The following KCNQ1 variants were observed in gnomAD, a reference collection of about 807,000 sequenced individuals.
KCNQ1 encodes the protein potassium voltage-gated channel subfamily Q member 1.
In KCNQ1, 49 loss-of-function variants were observed where a neutral mutation model predicts 72.4. The ratio of observed to expected loss-of-function variants is 0.68; its 90% confidence interval spans 0.54 to 0.86. The LOEUF is 0.86. Among genes scored for constraint, KCNQ1 ranks in the 40% least tolerant of loss-of-function variants. The pLI, the probability that KCNQ1 is intolerant of heterozygous loss-of-function variation, is 0.00. For missense variants in KCNQ1, 790 were observed against 945.1 expected, an observed-to-expected ratio of 0.84 and a Z score of 2.15; for synonymous variants, 450 against 412.6, an observed-to-expected ratio of 1.09 and a Z score of -1.10.
At position 2,537,157 on chromosome 11, in the gene KCNQ1, T is replaced by G. The variant is rs1174293147; in HGVS notation, c.477+9139T>G. On this transcript the variant is annotated intron_variant, in intron 2 of 15. Transcript: ENST00000155840. This position sits in a 1 kb window ranked among gnomAD's most constrained non-coding sequence, Gnocchi z 5.2. The stretch of plus-strand genomic sequence containing the variant: ...TGAATTTGAGGGCAACCCAGGGGTC[T>G]CCAAACCATGGCCCACAGGGTGGCT... 6.6e-6 allele frequency among the ~76,000 whole-genome samples: 1 copy of G among 151,892 alleles called. No homozygotes were observed. Among genetic ancestry groups the G allele is most frequent in the Non-Finnish European group, 1.5e-5 (1 of 68,026 alleles).
rs936004232 is a variant in KCNQ1 at position 2,704,609 on chromosome 11, A to C, written c.1514+42528A>C. On this transcript the variant is annotated intron_variant, in intron 11 of 15. Coordinates refer to ENST00000155840, the MANE Select transcript of KCNQ1 (RefSeq NM_000218.3). This position sits in a 1 kb window ranked among gnomAD's most constrained non-coding sequence, Gnocchi z 4.3. The stretch of plus-strand genomic sequence containing the variant: ...AGAAAGGTCACTCTGGCTGCTGAAC[A>C]GAGAGAGAACTGAAGAGAGGCAGCA... Among the ~76,000 whole-genome samples the C allele has an allele frequency of 2.0e-5, 3 of 152,200 alleles. No individual in the cohort carries two copies. Among genetic ancestry groups the C allele is most frequent in the Admixed American group, 2.0e-4 (3 of 15,284 alleles).
intron 15 of KCNQ1, among the ~76,000 whole-genome samples, chr11:2,821,110 A>G (rs1314449091): frequency 2.0e-5 from 3 of 152,190 alleles, no homozygotes; most frequent in Admixed American, 1.3e-4. Flanking sequence ...CTTGGTGGGA[A>G]GCTTTCGTCC....
chr11:2,815,350 G>T lies in KCNQ1; in HGVS notation c.1795-32417G>T, dbSNP rs1347561620. Among the ~76,000 whole-genome samples the T allele has an allele frequency of 2.0e-5, 3 of 152,144 alleles. No individual in the cohort carries two copies. The highest frequency in any genetic ancestry group is 4.1e-4 in the South Asian group (2 of 4,832). On this transcript the variant is annotated intron_variant, in intron 15 of 15. Transcript: ENST00000155840. This position sits in a 1 kb window ranked among gnomAD's most constrained non-coding sequence, Gnocchi z 5.4. The stretch of plus-strand genomic sequence containing the variant: ...CACTGGACCTCTGTGCTTTCTGGTG[G>T]GGGGCTTGTCAGGGAGCTCATGGGC...
intron 15 of KCNQ1, among the ~76,000 whole-genome samples, chr11:2,825,420 G>A (rs949773343): frequency 1.3e-5 from 2 of 152,232 alleles, no homozygotes; most frequent in African/African-American, 4.8e-5. Flanking sequence ...CCGGGTGCTG[G>A]AAGAGCAAGC....
intron 10 of KCNQ1, chr11:2,646,155 C>T: frequency 2.5e-6 from 1 of 398,632 alleles, no homozygotes; most frequent in Non-Finnish European, 4.4e-6. Context: ...AGCATTCTCT[C>T]AGAGGCGATC....
intron 10 of KCNQ1, chr11:2,632,868 T>C: frequency 2.5e-6 from 1 of 398,490 alleles, no homozygotes; most frequent in Non-Finnish European, 4.4e-6. Flanking sequence ...TGAACAGTAC[T>C]GCAATAAACA....
In KCNQ1 at chr11:2,710,123, T is replaced by C. The variant is rs1363894739; in HGVS notation, c.1514+48042T>C. ...CCCACCAGTAGTGTATGTGAGTTCC[T>C]ATCTCTCCACATTCTCACCAACACT... On this transcript the variant is annotated intron_variant, in intron 11 of 15. Transcript: ENST00000155840. The surrounding 1 kb of genome is among the most constrained non-coding windows in gnomAD (Gnocchi z 4.1). 6.6e-6 allele frequency among the ~76,000 whole-genome samples: 1 copy of C among 152,234 alleles called. No homozygotes were observed. The highest frequency in any genetic ancestry group is 1.5e-5 in the Non-Finnish European group (1 of 68,038).
At chr11:2,568,614 C>T (rs148420427) in intron 2 of KCNQ1, among the ~76,000 whole-genome samples, 8 of 152,342 alleles carry the variant, frequency 5.3e-5, no homozygotes, top group East Asian at 1.9e-4. Flanking sequence ...AGCCCTAGGC[C>T]GGCTCATTGG....
At chr11:2,504,805 G>T (rs1847076643) in intron 1 of KCNQ1, among the ~76,000 whole-genome samples, 1 of 152,104 alleles carries the variant, frequency 6.6e-6, no homozygotes, top group Non-Finnish European at 1.5e-5. Context: ...AAGACAAGGG[G>T]TAAATGTTTG....
rs778549782 is a variant in KCNQ1, at chr11:2,772,647, G to C, written c.1591-3313G>C. Among the ~76,000 whole-genome samples, 34 of 152,214 alleles carry C rather than the reference G, an allele frequency of 2.2e-4. No homozygotes were observed. Among genetic ancestry groups the C allele is most frequent in the Non-Finnish European group, 3.7e-4 (25 of 68,034 alleles). ...CCCTACACCAGGTAAGGCTGTGGCT[G>C]AAGGTGCAGGGAGCTCTCTGCTGAT... On this transcript the variant is annotated intron_variant, in intron 12 of 15. Transcript: ENST00000155840. The surrounding 1 kb of genome is among the most constrained non-coding windows in gnomAD (Gnocchi z 6.6).
intron 15 of KCNQ1, among the ~76,000 whole-genome samples, chr11:2,837,523 G>A (rs557393313): frequency 2.0e-4 from 31 of 152,376 alleles, no homozygotes; most frequent in Non-Finnish European, 3.2e-4. Context: ...CGAGCAAGAG[G>A]CCATTGAACT....
At chr11:2,693,613 G>A (rs1850624935) in intron 11 of KCNQ1, 1 of 398,654 alleles carries the variant, frequency 2.5e-6, no homozygotes. Context: ...TTGCAAACAA[G>A]AGCTTCGCCC....
chr11:2,842,427 C>G (rs541966528), intron 15 of KCNQ1, among the ~76,000 whole-genome samples: 28 of 152,350 alleles, frequency 1.8e-4, no homozygotes, highest in African/African-American at 6.5e-4. Flanking sequence ...GCAGCTTTGT[C>G]CCAGCAGCAC....
chr11:2,604,008 T>G (rs533554842), intron 10 of KCNQ1, among the ~76,000 whole-genome samples: 403 of 152,272 alleles, frequency 2.6e-3, no homozygotes, highest in Non-Finnish European at 4.6e-3. Context: ...TTCATTCTTT[T>G]ATGAATGAAT....
At chr11:2,531,673 C>T (rs1487232919) in intron 2 of KCNQ1, among the ~76,000 whole-genome samples, 3 of 152,182 alleles carry the variant, frequency 2.0e-5, no homozygotes, top group African/African-American at 7.2e-5. Context: ...AGAAGCAGCC[C>T]GTGGCCCCAA....
rs115613195 is a variant in KCNQ1, at chr11:2,523,526, G to T, written c.387-4402G>T. ...CACCACTGCTTTCTATGCTGTGGCC[G>T]AGGTCACCAACTGCCACTGTGATGG... On this transcript the variant is annotated intron_variant, in intron 1 of 15. Transcript: ENST00000155840. Among the ~76,000 whole-genome samples the T allele has an allele frequency of 4.1e-3, 631 of 152,280 alleles. 5 individuals carry two copies. Among genetic ancestry groups the T allele is most frequent in the African/African-American group, 0.015 (606 of 41,570 alleles).
rs545491265 is a variant in KCNQ1, at chr11:2,712,960, G to C, written c.1514+50879G>C. Among the ~76,000 whole-genome samples, 1 of 152,280 alleles carries C rather than the reference G, an allele frequency of 6.6e-6. No homozygotes were observed. Among genetic ancestry groups the C allele is most frequent in the South Asian group, 2.1e-4 (1 of 4,822 alleles). Reference sequence around the variant, plus strand: ...TGGAAGACACCCGGGTTGTAAACAGGGTGGGGCAGGGGTCCTGGTAAGTAT... The same window carrying C: ...TGGAAGACACCCGGGTTGTAAACAGCGTGGGGCAGGGGTCCTGGTAAGTAT... On this transcript the variant is annotated intron_variant, in intron 11 of 15. Transcript: ENST00000155840. The surrounding 1 kb of genome is among the most constrained non-coding windows in gnomAD (Gnocchi z 6.4).
intron 1 of KCNQ1, among the ~76,000 whole-genome samples, chr11:2,517,321 A>G (rs895600109): frequency 1.3e-5 from 2 of 152,236 alleles, no homozygotes; most frequent in African/African-American, 4.8e-5. Flanking sequence ...GATGCACCTG[A>G]TGGACCTCCA....
Position 2,817,870 on chromosome 11 carries a change from TC to T in KCNQ1, c.1795-29893del, listed in dbSNP as rs1847650585. ...GTTAGAAACCTCTGGCACTCTCCCC[TC>T]CCCAGCCAGCACCTACCAGCTTTGC... On this transcript the variant is annotated intron_variant, in intron 15 of 15. Transcript: ENST00000155840. The surrounding 1 kb of genome is among the most constrained non-coding windows in gnomAD (Gnocchi z 6.1). Among the ~76,000 whole-genome samples the T allele has an allele frequency of 6.6e-6, 1 of 151,964 alleles. No individual in the cohort carries two copies. Among genetic ancestry groups the T allele is most frequent in the Non-Finnish European group, 1.5e-5 (1 of 67,984 alleles).
Sources: gnomAD v4.1 joint callset for allele counts (sites outside exome capture counted in the v4.1 genomes callset) on GRCh38, gnomAD v4.1.1 for gene constraint, Gnocchi (gnomAD v3.1) non-coding constraint, MANE v1.5 for transcripts, NCBI Gene and HGNC (gene_info 2026-07-23, HGNC 2026-07-21) for gene names.